LINC00305: variants seen among roughly 807,000 people sequenced by gnomAD.
LINC00305 encodes long intergenic non-protein coding RNA 305.
At chr18:64,143,588 ATGTACACATATG>A (rs2051477653) in intron 1 of LINC00305, among the ~76,000 whole-genome samples, 19 of 83,140 alleles carry the variant, frequency 2.3e-4, no homozygotes, top group African/African-American at 1.1e-3. Flanking sequence ...ATATGTACAT[ATGTACACATATG>A]TATATGTACA....
intron 1 of LINC00305, among the ~76,000 whole-genome samples, chr18:64,128,529 C>G (rs1322152215): frequency 2.6e-5 from 4 of 151,978 alleles, no homozygotes; most frequent in African/African-American, 9.7e-5. Context: ...TACCTGGGAG[C>G]ACTGAAATGA....
intron 1 of LINC00305, among the ~76,000 whole-genome samples, chr18:64,105,540 T>C (rs1022167215): frequency 1.3e-5 from 2 of 152,116 alleles, no homozygotes; most frequent in South Asian, 2.1e-4. Flanking sequence ...TGTATAAACA[T>C]TATATATTAT....
chr18:64,126,894 T>C (rs1408130425), intron 1 of LINC00305, among the ~76,000 whole-genome samples: 1 of 152,182 alleles, frequency 6.6e-6, no homozygotes, highest in Non-Finnish European at 1.5e-5. Flanking sequence ...TAAACCTCAT[T>C]GTCTCTAATC....
At chr18:64,130,620 T>A (rs1292651138) in intron 1 of LINC00305, among the ~76,000 whole-genome samples, 1 of 152,106 alleles carries the variant, frequency 6.6e-6, no homozygotes, top group East Asian at 1.9e-4. Flanking sequence ...GAAATAAAAG[T>A]TTGAAAAAGG....
chr18:64,086,046 G>A (rs2051202067), intron 3 of LINC00305, among the ~76,000 whole-genome samples: 1 of 152,146 alleles, frequency 6.6e-6, no homozygotes, highest in Non-Finnish European at 1.5e-5. Context: ...TTGTTGATTG[G>A]TAAAATGTGG....
chr18:64,141,977 G>A (rs561134910), intron 1 of LINC00305, among the ~76,000 whole-genome samples: 1 of 152,080 alleles, frequency 6.6e-6, no homozygotes, highest in Non-Finnish European at 1.5e-5. Flanking sequence ...AGCTAAAATG[G>A]GATGTACATT....
chr18:64,118,162 A>G (rs906428890), intron 1 of LINC00305, among the ~76,000 whole-genome samples: 7 of 152,198 alleles, frequency 4.6e-5, no homozygotes, highest in African/African-American at 1.7e-4. Flanking sequence ...CAAATAAAGC[A>G]AGCTTAAAGG....
At chr18:64,126,426 T>A (rs2051385470) in intron 1 of LINC00305, among the ~76,000 whole-genome samples, 1 of 152,072 alleles carries the variant, frequency 6.6e-6, no homozygotes. Flanking sequence ...GCTAAGGGAC[T>A]ACTATTTTTT....
chr18:64,132,930 C>T lies in LINC00305; in HGVS notation n.314+15845G>A, dbSNP rs573983013. 3.9e-5 allele frequency among the ~76,000 whole-genome samples: 6 copies of T among 152,296 alleles called. No homozygotes were observed. In the South Asian group the frequency reaches 1.2e-3, roughly 32 times the overall value. On this transcript the variant is annotated intron_variant and non_coding_transcript_variant, in intron 1 of 3. Transcript: ENST00000666468. ...AATAAAGTCAGGAAAGATGGAGGGC[C>T]TGGCTGTGTGGCCAGCTGTGCTGAC...
At position 64,115,825 on chromosome 18, in the gene LINC00305, A is replaced by G. The variant is rs577548706; in HGVS notation, n.315-17185T>C. The stretch of plus-strand genomic sequence containing the variant: ...GCTTCTTGCCAGTTTTGCAACTCAG[A>G]ACTGTCTTTCTCAAGGATCTGGGAG... On this transcript the variant is annotated intron_variant and non_coding_transcript_variant, in intron 1 of 3. Coordinates refer to ENST00000666468, the Ensembl canonical transcript of LINC00305. Among the ~76,000 whole-genome samples the G allele has an allele frequency of 2.6e-5, 4 of 152,310 alleles. No homozygotes were observed. In the South Asian group the frequency reaches 8.3e-4, roughly 32 times the overall value.
chr18:64,133,226 T>C (rs1331854290), intron 1 of LINC00305, among the ~76,000 whole-genome samples: 1 of 152,206 alleles, frequency 6.6e-6, no homozygotes, highest in African/African-American at 2.4e-5. Flanking sequence ...TGTGCTATGC[T>C]GGCCAATGTA....
At chr18:64,129,151 G>C in intron 1 of LINC00305, among the ~76,000 whole-genome samples, 1 of 151,926 alleles carries the variant, frequency 6.6e-6, no homozygotes, top group East Asian at 1.9e-4. Flanking sequence ...AAAACTAAAA[G>C]GCTCTTGTTT....
intron 1 of LINC00305, among the ~76,000 whole-genome samples, chr18:64,133,616 G>A (rs2051419707): frequency 6.6e-6 from 1 of 152,134 alleles, no homozygotes; most frequent in South Asian, 2.1e-4. Flanking sequence ...AGTGTCCTAA[G>A]TGAGCATCTT....
intron 1 of LINC00305, chr18:64,098,706 G>A (rs2051256714): frequency 2.6e-6 from 1 of 390,658 alleles, no homozygotes; most frequent in Non-Finnish European, 5.1e-6. Flanking sequence ...ATGAAAGTGA[G>A]TAACCCTGGG....
At chr18:64,098,902 C>CAAGT (rs2097573412) in intron 1 of LINC00305, among the ~76,000 whole-genome samples, 1 of 152,092 alleles carries the variant, frequency 6.6e-6, no homozygotes, top group South Asian at 2.1e-4. Flanking sequence ...GGCACTAAGC[C>CAAGT]AAGTGACAAG....
chr18:64,140,412 T>C (rs1367644465), intron 1 of LINC00305, among the ~76,000 whole-genome samples: 1 of 152,166 alleles, frequency 6.6e-6, no homozygotes, highest in East Asian at 1.9e-4. Context: ...TTTCACCATG[T>C]TGGCCAGGCT....
chr18:64,138,636 G>A (rs555753491), intron 1 of LINC00305, among the ~76,000 whole-genome samples: 5 of 152,058 alleles, frequency 3.3e-5, no homozygotes, highest in African/African-American at 1.2e-4. Flanking sequence ...GTTCTACTCC[G>A]GGTTGTTTTC....
intron 1 of LINC00305, among the ~76,000 whole-genome samples, chr18:64,136,684 A>G (rs1276518952): frequency 6.6e-6 from 1 of 152,218 alleles, no homozygotes; most frequent in Non-Finnish European, 1.5e-5. Flanking sequence ...TAGTCTGTGG[A>G]ACACAGAGTA....
At chr18:64,086,834 C>A (rs2051205453) in intron 3 of LINC00305, among the ~76,000 whole-genome samples, 1 of 152,192 alleles carries the variant, frequency 6.6e-6, no homozygotes, top group Non-Finnish European at 1.5e-5. Context: ...TAAGCAGAAG[C>A]TGCCTGATAA....
Sources: allele counts gnomAD v4.1 joint callset (sites outside exome capture counted in the v4.1 genomes callset), GRCh38; gene constraint gnomAD v4.1.1; transcripts MANE v1.5; gene names NCBI Gene and HGNC (gene_info 2026-07-23, HGNC 2026-07-21).